FARS2: variants seen among roughly 807,000 people sequenced by gnomAD.
FARS2 encodes phenylalanyl-tRNA synthetase 2, mitochondrial.
A neutral mutation model predicts 46.4 loss-of-function variants in FARS2; 40 were observed. The ratio of observed to expected loss-of-function variants is 0.86; its 90% CI spans 0.67 to 1.12. FARS2 has a LOEUF of 1.12. FARS2 is among the 50% of genes most tolerant of loss of function. The pLI is 0.00. For synonymous variants in FARS2, 234 were observed against 214.9 expected (o/e 1.09, Z -0.78); for missense variants, 513 against 567.9 (o/e 0.90, Z 0.98).
At chr6:5,711,398 C>G (rs1174701265) in intron 6 of FARS2, among the ~76,000 whole-genome samples, 1 of 152,176 alleles carries the variant, frequency 6.6e-6, no homozygotes. Context: ...ACTCCCCACG[C>G]TTTAGTGTGG....
At position 5,272,185 on chromosome 6, in the gene FARS2, G is replaced by A. The variant is rs376466080; in HGVS notation, c.-22+10525G>A. On this transcript the variant is annotated intron_variant, in intron 1 of 6. Coordinates refer to ENST00000274680, the MANE Select transcript of FARS2 (RefSeq NM_006567.5). ...GCCTTCTCAGTTACCACAAGATCAC[G>A]ATTTTCGTTATGGATAGATGACAAG... Among the ~76,000 whole-genome samples the A allele has an allele frequency of 3.3e-4, 51 of 152,258 alleles. 1 individual carries two copies. The East Asian group carries it at 3.9e-3, about 12-fold the overall frequency.
chr6:5,537,448 C>A (rs545179632), intron 4 of FARS2, among the ~76,000 whole-genome samples: 110 of 138,152 alleles, frequency 8.0e-4, no homozygotes, highest in African/African-American at 2.9e-3. Flanking sequence ...TTGGAGATGT[C>A]CCGGGCCTCC....
Position 5,444,466 on chromosome 6 carries a change from C to CA in FARS2, c.904+13321dup, listed in dbSNP as rs751990577. On this transcript the variant is annotated intron_variant, in intron 4 of 6. Coordinates refer to ENST00000274680, the MANE Select transcript of FARS2 (RefSeq NM_006567.5). ...TGGGTGACAAGGCGTGACTCTGTCT[C>CA]AAAAAAAAAAAAAAAAAAAAAAAAA... 9.0e-4 allele frequency among the ~76,000 whole-genome samples: 82 copies of CA among 91,470 alleles called. 1 individual carries two copies. Among genetic ancestry groups the CA allele is most frequent in the Non-Finnish European group, 1.3e-3 (68 of 52,976 alleles). The allele number at this position is 91,470 out of a possible 152,430, so 60.0% of individuals were successfully genotyped here.
intron 1 of FARS2, among the ~76,000 whole-genome samples, chr6:5,267,635 T>C (rs1357147585): frequency 6.6e-6 from 1 of 151,652 alleles, no homozygotes; most frequent in Non-Finnish European, 1.5e-5. Context: ...GTGCCTGTAG[T>C]CCCAGCTACT....
chr6:5,591,311 C>A (rs1191263014), intron 5 of FARS2, among the ~76,000 whole-genome samples: 1 of 152,152 alleles, frequency 6.6e-6, no homozygotes, highest in South Asian at 2.1e-4. Flanking sequence ...ACCGAGTGGT[C>A]CAAGACAAGG....
At chr6:5,720,095 A>C (rs115433870) in intron 6 of FARS2, among the ~76,000 whole-genome samples, 5 of 152,154 alleles carry the variant, frequency 3.3e-5, no homozygotes, top group Non-Finnish European at 5.9e-5. Context: ...CTGCATTCAC[A>C]ATGCTCTACA....
intron 4 of FARS2, among the ~76,000 whole-genome samples, chr6:5,467,283 A>C (rs975174011): frequency 6.6e-6 from 1 of 152,178 alleles, no homozygotes; most frequent in African/African-American, 2.4e-5. Flanking sequence ...TTAAGGTTTC[A>C]GTAACAACAT....
At chr6:5,675,529 C>G (rs991462398) in intron 6 of FARS2, among the ~76,000 whole-genome samples, 1 of 152,106 alleles carries the variant, frequency 6.6e-6, no homozygotes, top group African/African-American at 2.4e-5. Flanking sequence ...TCCACATGTA[C>G]CCAATACAGT....
intron 4 of FARS2, among the ~76,000 whole-genome samples, chr6:5,436,293 G>A (rs1000799813): frequency 6.6e-6 from 1 of 152,188 alleles, no homozygotes; most frequent in African/African-American, 2.4e-5. Flanking sequence ...ATATCAGCAT[G>A]AATCTATTTC....
rs114490433 is a variant in FARS2 at position 5,568,882 on chromosome 6, A to G, written c.1065+23542A>G. Among the ~76,000 whole-genome samples the G allele has an allele frequency of 1.1e-3, 173 of 152,340 alleles. 1 individual carries two copies. The highest frequency in any genetic ancestry group is 3.9e-3 in the African/African-American group (163 of 41,586). ...ATGTGATATCATGTAGGGTAGTAACAGAGAGACTAGAAGGTAGGGTTGGGC... is the reference window on the plus strand; with the variant it reads ...ATGTGATATCATGTAGGGTAGTAACGGAGAGACTAGAAGGTAGGGTTGGGC... On this transcript the variant is annotated intron_variant, in intron 5 of 6. Coordinates refer to ENST00000274680, the MANE Select transcript of FARS2 (RefSeq NM_006567.5).
chr6:5,763,413 C>T (rs1738700256), intron 6 of FARS2, among the ~76,000 whole-genome samples: 1 of 152,176 alleles, frequency 6.6e-6, no homozygotes, highest in South Asian at 2.1e-4. Context: ...CATTGTGCCA[C>T]TGCCACTGCA....
At chr6:5,552,768 G>A (rs1045533261) in intron 5 of FARS2, among the ~76,000 whole-genome samples, 6 of 152,040 alleles carry the variant, frequency 3.9e-5, no homozygotes, top group Admixed American at 3.3e-4. Flanking sequence ...GAGATAAGTG[G>A]GTCAACAATA....
chr6:5,678,106 A>G (rs1388478574), intron 6 of FARS2, among the ~76,000 whole-genome samples: 1 of 152,058 alleles, frequency 6.6e-6, no homozygotes, highest in Non-Finnish European at 1.5e-5. Context: ...GAAAGGGGGA[A>G]CTCAGTGAGA....
intron 6 of FARS2, among the ~76,000 whole-genome samples, chr6:5,763,745 A>C (rs554968808): frequency 6.7e-6 from 1 of 148,730 alleles, no homozygotes; most frequent in African/African-American, 2.5e-5. Flanking sequence ...CATGATCAGA[A>C]TTTCATCTTC....
At chr6:5,466,825 G>A (rs1765541751) in intron 4 of FARS2, 1 of 985,340 alleles carries the variant, frequency 1.0e-6, no homozygotes, top group African/African-American at 1.7e-5. Flanking sequence ...GAAGCACTGA[G>A]TTGGGAATGG....
intron 6 of FARS2, among the ~76,000 whole-genome samples, chr6:5,659,085 T>C (rs868441872): frequency 1.3e-5 from 2 of 152,184 alleles, no homozygotes; most frequent in Non-Finnish European, 1.5e-5. Flanking sequence ...TGACTTGCGG[T>C]ATGGAAGGCT....
chr6:5,260,604 GCCCCTGGCCCCCC>G, upstream of FARS2: 9 of 1,196,170 alleles, frequency 7.5e-6, no homozygotes, highest in Non-Finnish European at 9.4e-6. Flanking sequence ...CCGGTCCCCG[GCCCCTGGCCCCCC>G]GCCCCCGGCC....
At chr6:5,573,790 T>C (rs1772797838) in intron 5 of FARS2, among the ~76,000 whole-genome samples, 1 of 152,194 alleles carries the variant, frequency 6.6e-6, no homozygotes, top group Non-Finnish European at 1.5e-5. Context: ...TCCTTAAGTA[T>C]AGTGGACCAC....
At chr6:5,367,764 A>G (rs1456406937) in intron 1 of FARS2, among the ~76,000 whole-genome samples, 2 of 152,082 alleles carry the variant, frequency 1.3e-5, no homozygotes, top group Non-Finnish European at 2.9e-5. Flanking sequence ...CCTTTTGCCA[A>G]AGGTGTAATT....
Sources: allele counts gnomAD v4.1 joint callset (sites outside exome capture counted in the v4.1 genomes callset), GRCh38; gene constraint gnomAD v4.1.1; transcripts MANE v1.5; gene names NCBI Gene and HGNC (gene_info 2026-07-23, HGNC 2026-07-21).